The following MAGI1 variants were observed in gnomAD, a reference collection of about 807,000 sequenced individuals.
The protein encoded by MAGI1 is membrane-associated guanylate kinase, WW and PDZ domain-containing protein 1.
Under a neutral mutation model 139.9 loss-of-function variants are expected in MAGI1, and 58 were observed. That is an observed-to-expected ratio of 0.41 (90% confidence interval 0.34 to 0.52). The LOEUF is 0.52. Among genes scored for constraint, MAGI1 ranks in the 20% least tolerant of loss-of-function variants. The pLI is 0.12. For missense variants in MAGI1, 1,874 were observed against 1,901.6 expected, an observed-to-expected ratio of 0.99 and a Z score of 0.27; for synonymous variants, 812 against 737.9, an observed-to-expected ratio of 1.10 and a Z score of -1.63.
chr3:65,488,365 C>G (rs1246583941), intron 3 of MAGI1, among the ~76,000 whole-genome samples: 1 of 151,990 alleles, frequency 6.6e-6, no homozygotes, highest in Non-Finnish European at 1.5e-5. Context: ...GAGACAGGGT[C>G]TCACTTTGTC....
chr3:65,729,467 T>C (rs1254408858), intron 1 of MAGI1, among the ~76,000 whole-genome samples: 2 of 152,130 alleles, frequency 1.3e-5, no homozygotes, highest in African/African-American at 4.8e-5. Context: ...ACATAAAACA[T>C]ATATATTTTA....
chr3:65,856,899 C>T (rs906465619), intron 1 of MAGI1, among the ~76,000 whole-genome samples: 11 of 152,198 alleles, frequency 7.2e-5, no homozygotes, highest in Admixed American at 1.3e-4. Context: ...GAACTCAAAT[C>T]GCCCATGGAT....
At chr3:65,803,503 T>C (rs189928648) in intron 1 of MAGI1, among the ~76,000 whole-genome samples, 2 of 152,344 alleles carry the variant, frequency 1.3e-5, no homozygotes, top group Admixed American at 1.3e-4. Flanking sequence ...TGTGAAATCT[T>C]GTTCAATCCA....
At chr3:65,495,891 G>T (rs538287489) in intron 2 of MAGI1, among the ~76,000 whole-genome samples, 9 of 152,192 alleles carry the variant, frequency 5.9e-5, no homozygotes, top group African/African-American at 2.2e-4. Context: ...GGCCAGCATG[G>T]TTGCGGTACA....
At chr3:65,400,090 C>T (rs919154855) in intron 13 of MAGI1, among the ~76,000 whole-genome samples, 14 of 152,224 alleles carry the variant, frequency 9.2e-5, no homozygotes, top group African/African-American at 2.6e-4. Context: ...TCTCTGAAGG[C>T]GGATGGGTTA....
intron 1 of MAGI1, among the ~76,000 whole-genome samples, chr3:65,835,114 T>C (rs2042737686): frequency 6.6e-6 from 1 of 152,238 alleles, no homozygotes; most frequent in Non-Finnish European, 1.5e-5. Context: ...CTTAAGGTTT[T>C]TATTCTATTT....
intron 1 of MAGI1, among the ~76,000 whole-genome samples, chr3:65,885,948 CATA>C (rs1387102228): frequency 1.3e-5 from 2 of 152,174 alleles, no homozygotes; most frequent in Non-Finnish European, 2.9e-5. Flanking sequence ...ACTCATACTA[CATA>C]ATACTATTTA....
intron 1 of MAGI1, among the ~76,000 whole-genome samples, chr3:65,920,032 T>G (rs540178889): frequency 1.3e-5 from 2 of 152,344 alleles, no homozygotes; most frequent in East Asian, 3.9e-4. Flanking sequence ...CTTCTCGCAA[T>G]GACCCAGACT....
intron 1 of MAGI1, among the ~76,000 whole-genome samples, chr3:65,652,017 T>A (rs2085613090): frequency 6.6e-6 from 1 of 152,194 alleles, no homozygotes; most frequent in African/African-American, 2.4e-5. Flanking sequence ...CTAAGTTGGA[T>A]GAACAAAACA....
At chr3:65,923,581 G>A (rs1299094954) in intron 1 of MAGI1, among the ~76,000 whole-genome samples, 3 of 152,148 alleles carry the variant, frequency 2.0e-5, no homozygotes, top group Admixed American at 1.3e-4. Context: ...ACCTGGCACT[G>A]TTATGTCCTT....
chr3:65,827,475 A>C (rs1352481505), intron 1 of MAGI1, among the ~76,000 whole-genome samples: 1 of 152,254 alleles, frequency 6.6e-6, no homozygotes, highest in Non-Finnish European at 1.5e-5. Context: ...GAACTTAGCA[A>C]AATGACATAA....
Position 65,757,440 on chromosome 3 carries a change from C to A in MAGI1, c.314-135352G>T, listed in dbSNP as rs1331089900. Among the ~76,000 whole-genome samples the A allele has an allele frequency of 2.0e-5, 3 of 152,296 alleles. 1 individual carries two copies. In the East Asian group the frequency reaches 5.8e-4, roughly 29 times the overall value. On this transcript the variant is annotated intron_variant, in intron 1 of 22. Coordinates refer to ENST00000402939, the MANE Select transcript of MAGI1 (RefSeq NM_001033057.2). ...CAAGTGGATCACCTGATGTTCAAGA[C>A]CAGCCTGGCCAACATGGCGAAATCC...
chr3:65,892,196 C>G (rs2060800200), intron 1 of MAGI1, among the ~76,000 whole-genome samples: 1 of 151,820 alleles, frequency 6.6e-6, no homozygotes, highest in Non-Finnish European at 1.5e-5. Flanking sequence ...GGGCAAATTC[C>G]CTCAAGGTTC....
chr3:65,657,778 C>T (rs191118510), intron 1 of MAGI1, among the ~76,000 whole-genome samples: 2 of 152,162 alleles, frequency 1.3e-5, no homozygotes, highest in Non-Finnish European at 2.9e-5. Context: ...AAAATCAAAC[C>T]ACCTTGCATG....
At chr3:65,719,224 G>C (rs2032684156) in intron 1 of MAGI1, among the ~76,000 whole-genome samples, 1 of 151,628 alleles carries the variant, frequency 6.6e-6, no homozygotes, top group Admixed American at 6.6e-5. Context: ...AGATTTATTT[G>C]AATTGGGCTT....
intron 15 of MAGI1, among the ~76,000 whole-genome samples, chr3:65,383,132 G>A (rs993150650): frequency 2.6e-5 from 4 of 152,078 alleles, no homozygotes; most frequent in African/African-American, 7.2e-5. Flanking sequence ...AAGGCTTTGC[G>A]AAGTACTCTC....
intron 13 of MAGI1, among the ~76,000 whole-genome samples, chr3:65,392,826 A>G (rs1944040852): frequency 6.6e-6 from 1 of 152,228 alleles, no homozygotes; most frequent in Admixed American, 6.5e-5. Context: ...AGGATTCAAA[A>G]TTGAGAACAA....
intron 1 of MAGI1, among the ~76,000 whole-genome samples, chr3:65,818,478 G>C (rs1024629232): frequency 6.6e-6 from 1 of 152,154 alleles, no homozygotes; most frequent in Non-Finnish European, 1.5e-5. Context: ...TGGGAGAAAG[G>C]AAAGACTTCC....
chr3:65,410,934 A>G (rs746555623), intron 12 of MAGI1, among the ~76,000 whole-genome samples: 30 of 152,194 alleles, frequency 2.0e-4, no homozygotes, highest in Non-Finnish European at 2.9e-4. Context: ...ACGCTACCTA[A>G]TAACAAAATT....
Sources: gnomAD v4.1 joint callset for allele counts (sites outside exome capture counted in the v4.1 genomes callset) on GRCh38, gnomAD v4.1.1 for gene constraint, MANE v1.5 for transcripts, NCBI Gene and HGNC (gene_info 2026-07-23, HGNC 2026-07-21) for gene names.